OR2L13: variants seen among roughly 807,000 people sequenced by gnomAD.
OR2L13 encodes olfactory receptor family 2 subfamily L member 13, also known as olfactory receptor 2L13.
Under a neutral mutation model 15.3 loss-of-function variants are expected in OR2L13, and 14 were observed. That is an observed-to-expected ratio of 0.91 (90% confidence interval 0.60 to 1.43). The LOEUF (loss-of-function observed/expected upper bound fraction) is 1.43. Among genes scored for constraint, OR2L13 ranks in the 40% most tolerant of loss-of-function variants. The pLI is 0.00. For synonymous variants in OR2L13, 152 were observed against 142.9 expected (o/e 1.06, Z -0.45); for missense variants, 367 against 387.9 (o/e 0.95, Z 0.45).
the OR2L13 span, among the ~76,000 whole-genome samples, chr1:248,074,197 C>G: frequency 6.6e-6 from 1 of 152,020 alleles, no homozygotes; most frequent in Non-Finnish European, 1.5e-5. Flanking sequence ...TAACATATAT[C>G]AATGACCAGT....
chr1:248,038,508 G>T, the OR2L13 span: 1 of 1,614,046 alleles, frequency 6.2e-7, no homozygotes, highest in East Asian at 2.2e-5. Context: ...TCCAAAGATG[G>T]TTTATGATTT....
At chr1:247,982,661 C>A in the OR2L13 span, among the ~76,000 whole-genome samples, 1 of 152,070 alleles carries the variant, frequency 6.6e-6, no homozygotes, top group African/African-American at 2.4e-5. Flanking sequence ...GGGAACAAGA[C>A]AGAAATTGCA....
At chr1:247,993,807 G>GAGAGAGAGAGAGAAAGAGAA in the OR2L13 span, among the ~76,000 whole-genome samples, 2 of 129,020 alleles carry the variant, frequency 1.6e-5, no homozygotes, top group Non-Finnish European at 1.6e-5. Flanking sequence ...GAGAGAGAGA[G>GAGAGAGAGAGAGAAAGAGAA]AGAGAAAGAA....
chr1:248,024,524 G>A, the OR2L13 span, among the ~76,000 whole-genome samples: 1 of 152,052 alleles, frequency 6.6e-6, no homozygotes, highest in Non-Finnish European at 1.5e-5. Context: ...TTCTTCTAGG[G>A]TTTTTATGGT....
At chr1:248,065,007 GAAC>G in the OR2L13 span, among the ~76,000 whole-genome samples, 16 of 152,134 alleles carry the variant, frequency 1.1e-4, no homozygotes, top group African/African-American at 3.9e-4. Context: ...TCATTAAGAA[GAAC>G]AACGGAGAAA....
At chr1:247,976,356 A>AT in the OR2L13 span, among the ~76,000 whole-genome samples, 1 of 152,184 alleles carries the variant, frequency 6.6e-6, no homozygotes, top group African/African-American at 2.4e-5. Flanking sequence ...AAATCAACAC[A>AT]TCTATACAGC....
the OR2L13 span, chr1:247,990,598 G>A: frequency 6.4e-7 from 1 of 1,553,280 alleles, no homozygotes; most frequent in Non-Finnish European, 8.9e-7. Context: ...AGGTGCAGAA[G>A]CGCTGCTCCT....
chr1:247,955,203 G>GT, the OR2L13 span, among the ~76,000 whole-genome samples: 1 of 151,910 alleles, frequency 6.6e-6, no homozygotes, highest in African/African-American at 2.4e-5. Context: ...GCAGTGTTTG[G>GT]TTTTTTGTCC....
chr1:247,966,107 A>G, the OR2L13 span: 1 of 1,613,916 alleles, frequency 6.2e-7, no homozygotes, highest in Non-Finnish European at 8.5e-7. Context: ...TGTTCCTCCC[A>G]CCTGATTGTG....
chr1:248,003,051 A>G, the OR2L13 span: 3 of 773,740 alleles, frequency 3.9e-6, no homozygotes, highest in Admixed American at 6.1e-5. Flanking sequence ...CTATTCAGGG[A>G]TTGAAATTCT....
At chr1:247,956,750 G>A in the OR2L13 span, among the ~76,000 whole-genome samples, 1 of 151,858 alleles carries the variant, frequency 6.6e-6, no homozygotes, top group Non-Finnish European at 1.5e-5. Flanking sequence ...CTGTTTGTCT[G>A]TTATTCGTGT....
At chr1:248,066,282 C>T in the OR2L13 span, among the ~76,000 whole-genome samples, 1 of 152,158 alleles carries the variant, frequency 6.6e-6, no homozygotes, top group Non-Finnish European at 1.5e-5. Flanking sequence ...GTTAATCTGT[C>T]TTGTACCAAT....
At chr1:247,975,054 CT>C in the OR2L13 span, 1 of 321,104 alleles carries the variant, frequency 3.1e-6, no homozygotes, top group South Asian at 3.6e-5. Context: ...TTCTTTGTGA[CT>C]TTAGCAGGTG....
chr1:248,064,497 A>G, the OR2L13 span, among the ~76,000 whole-genome samples: 1 of 152,192 alleles, frequency 6.6e-6, no homozygotes, highest in Non-Finnish European at 1.5e-5. Flanking sequence ...CATTTTTGTC[A>G]TAGAAGCTTG....
At chr1:247,960,380 AG>A in the OR2L13 span, among the ~76,000 whole-genome samples, 1 of 152,164 alleles carries the variant, frequency 6.6e-6, no homozygotes. Context: ...TAGGCTACTC[AG>A]GGGTCAGGGA....
the OR2L13 span, among the ~76,000 whole-genome samples, chr1:248,031,965 G>A: frequency 6.6e-6 from 1 of 151,690 alleles, no homozygotes; most frequent in Non-Finnish European, 1.5e-5. Flanking sequence ...GTTTGTCATC[G>A]ACTGCCCTAT....
the OR2L13 span, among the ~76,000 whole-genome samples, chr1:247,968,071 G>T: frequency 2.0e-5 from 3 of 151,984 alleles, no homozygotes; most frequent in Admixed American, 2.0e-4. Flanking sequence ...AGGAGAAAGA[G>T]GAACAAACGT....
chr1:247,947,256 ATTC>A, the OR2L13 span, among the ~76,000 whole-genome samples: 2 of 152,232 alleles, frequency 1.3e-5, no homozygotes, highest in African/African-American at 4.8e-5. Context: ...ACAAAAAACT[ATTC>A]TTTCTGCATA....
the OR2L13 span, among the ~76,000 whole-genome samples, chr1:247,947,428 A>G: frequency 2.0e-5 from 3 of 152,010 alleles, no homozygotes; most frequent in Admixed American, 1.3e-4. Context: ...AAGCCTAAAA[A>G]CTCTGGTTCT....
Sources: allele counts gnomAD v4.1 joint callset (sites outside exome capture counted in the v4.1 genomes callset), GRCh38; gene constraint gnomAD v4.1.1; transcripts MANE v1.5; gene names NCBI Gene and HGNC (gene_info 2026-07-23, HGNC 2026-07-21).